MYO10: variants seen among roughly 807,000 people sequenced by gnomAD.
MYO10 encodes the protein unconventional myosin-X.
Under a neutral mutation model 257.3 loss-of-function variants are expected in MYO10, and 133 were observed. That is an observed-to-expected ratio of 0.52 (90% CI 0.45 to 0.60). The LOEUF is 0.60. Ranked by LOEUF, MYO10 falls within the 20% of genes least tolerant of loss-of-function variation. The pLI, the probability that MYO10 is intolerant of heterozygous loss-of-function variation, is 0.00. For missense variants in MYO10, 2,399 were observed against 2,635.7 expected (o/e 0.91, Z 1.97); for synonymous variants, 1,104 against 1,028.6 (o/e 1.07, Z -1.40).
intron 2 of MYO10, among the ~76,000 whole-genome samples, chr5:16,836,437 T>TTTTC (rs1269086875): frequency 6.6e-6 from 1 of 152,202 alleles, no homozygotes; most frequent in Non-Finnish European, 1.5e-5. Flanking sequence ...CTCCACCTCA[T>TTTTC]TTTCTACATT....
intron 10 of MYO10, among the ~76,000 whole-genome samples, chr5:16,766,770 CTTTTTTTTTT>C (rs575636664): frequency 7.8e-6 from 1 of 127,400 alleles, no homozygotes; most frequent in Non-Finnish European, 1.6e-5. Flanking sequence ...CACCTACTTT[CTTTTTTTTTT>C]TTTTTTTGAG....
Position 16,701,932 on chromosome 5 carries a change from T to G in MYO10, c.2557-94A>C, listed in dbSNP as rs1016412133. 1.4e-5 allele frequency: 19 copies of G among 1,382,990 alleles called. No homozygotes were observed. In the African/African-American group the frequency reaches 2.5e-4, roughly 18 times the overall value. The allele number at this position is 1,382,990 out of a possible 1,614,324, so 85.7% of individuals were successfully genotyped here. On this transcript the variant is annotated intron_variant, in intron 24 of 40. Coordinates refer to ENST00000513610, the MANE Select transcript of MYO10 (RefSeq NM_012334.3). The surrounding 1 kb of genome is among the most constrained non-coding windows in gnomAD (Gnocchi z 8.1). Reference sequence around the variant, plus strand: ...CAACCAGGATGAAATATGGTCATTATGAGTTGGACTGTGTCCCCATAAAGT... The same window carrying G: ...CAACCAGGATGAAATATGGTCATTAGGAGTTGGACTGTGTCCCCATAAAGT...
At chr5:16,905,889 G>A (rs1049279728) in intron 1 of MYO10, among the ~76,000 whole-genome samples, 1 of 152,144 alleles carries the variant, frequency 6.6e-6, no homozygotes, top group Non-Finnish European at 1.5e-5. Flanking sequence ...TGACATCTGA[G>A]TAGGGACAAC....
rs33919452 is a variant in MYO10 at position 16,679,524 on chromosome 5, G to GTTTTTTTTTTTTTTTTTTTTT, written c.4542+422_4542+423insAAAAAAAAAAAAAAAAAAAAA. 1.2e-3 allele frequency among the ~76,000 whole-genome samples: 143 copies of GTTTTTTTTTTTTTTTTTTTTT among 122,640 alleles called. 3 individuals are homozygous for GTTTTTTTTTTTTTTTTTTTTT. Among genetic ancestry groups the GTTTTTTTTTTTTTTTTTTTTT allele is most frequent in the African/African-American group, 3.6e-3 (111 of 31,076 alleles). The allele number at this position is 122,640 out of a possible 152,430, so 80.5% of individuals were successfully genotyped here. ...TTAACCAAGCGCTAGTTTTTTGGGT[G>GTTTTTTTTTTTTTTTTTTTTT]TTTTTTTTTTTTTTTTTTGAGACGA... On this transcript the variant is annotated intron_variant, in intron 33 of 40. Coordinates refer to ENST00000513610, the MANE Select transcript of MYO10 (RefSeq NM_012334.3).
intron 1 of MYO10, among the ~76,000 whole-genome samples, chr5:16,885,453 C>T (rs1744870105): frequency 6.6e-6 from 1 of 152,106 alleles, no homozygotes; most frequent in African/African-American, 2.4e-5. Context: ...AGGCGGATCA[C>T]CTGAGGTCAG....
chr5:16,755,741 T>TA (rs1255094015), intron 18 of MYO10, among the ~76,000 whole-genome samples: 2 of 149,168 alleles, frequency 1.3e-5, no homozygotes, highest in Non-Finnish European at 3.0e-5. Context: ...TTTTTTTTTT[T>TA]AGAGTTTTTA....
At chr5:16,878,824 C>T (rs1041657205) in intron 1 of MYO10, among the ~76,000 whole-genome samples, 2 of 151,958 alleles carry the variant, frequency 1.3e-5, no homozygotes, top group African/African-American at 4.8e-5. Context: ...ACTTTGGGGA[C>T]TCAGGGAGAA....
intron 2 of MYO10, among the ~76,000 whole-genome samples, chr5:16,847,116 T>C (rs1182110407): frequency 2.7e-5 from 4 of 147,266 alleles, no homozygotes; most frequent in Non-Finnish European, 4.5e-5. Flanking sequence ...AGACTCTGTC[T>C]CCAAAGGAAA....
chr5:16,774,262 A>G (rs1741146941), intron 9 of MYO10, among the ~76,000 whole-genome samples: 1 of 152,148 alleles, frequency 6.6e-6, no homozygotes, highest in African/African-American at 2.4e-5. Flanking sequence ...GTCACCCTGG[A>G]AACAAAGGGA....
chr5:16,747,893 T>G (rs1740247227), intron 19 of MYO10, among the ~76,000 whole-genome samples: 1 of 113,608 alleles, frequency 8.8e-6, no homozygotes, highest in Admixed American at 1.5e-4. Flanking sequence ...CACTCTAGAC[T>G]GGGCGACAGA....
intron 3 of MYO10, 114 bp from the exon 4 acceptor site, chr5:16,794,947 G>T: frequency 1.3e-6 from 1 of 792,300 alleles, no homozygotes; most frequent in South Asian, 2.8e-5. Context: ...TGTCTCCCGG[G>T]TGCACACTGT....
At chr5:16,688,748 A>T (rs939867928) in intron 28 of MYO10, among the ~76,000 whole-genome samples, 19 of 131,424 alleles carry the variant, frequency 1.4e-4, no homozygotes, top group Non-Finnish European at 2.7e-4. Context: ...CTCAAAAAAA[A>T]AGAAAAAAAA....
chr5:16,902,708 G>A (rs1449415326), intron 1 of MYO10: 1 of 820,852 alleles, frequency 1.2e-6, no homozygotes, highest in Non-Finnish European at 2.1e-6. Flanking sequence ...TGGGGTTTCA[G>A]TCAAGCTTGT....
chr5:16,891,315 A>C (rs1745042197), intron 1 of MYO10, among the ~76,000 whole-genome samples: 1 of 137,948 alleles, frequency 7.2e-6, no homozygotes, highest in Non-Finnish European at 1.5e-5. Flanking sequence ...GAAAAGGAGA[A>C]GAGAAAAGGA....
intron 1 of MYO10, among the ~76,000 whole-genome samples, chr5:16,927,983 C>T (rs1368871744): frequency 6.6e-6 from 1 of 152,056 alleles, no homozygotes; most frequent in African/African-American, 2.4e-5. Context: ...CCATGGGTAT[C>T]GATAAGCTAA....
intron 1 of MYO10, among the ~76,000 whole-genome samples, chr5:16,884,165 C>T (rs253470): frequency 0.39 from 58,715 of 152,066 alleles, 12,938 homozygotes; most frequent in Admixed American, 0.5. Flanking sequence ...CCGAGGCAGG[C>T]GGATTACCCG....
At chr5:16,794,383 T>TAA (rs58577651) in intron 4 of MYO10, among the ~76,000 whole-genome samples, 4 of 140,604 alleles carry the variant, frequency 2.8e-5, no homozygotes, top group African/African-American at 7.9e-5. Context: ...AATGTTGCTT[T>TAA]AAAAAAAAAA....
chr5:16,762,695 A>C, intron 14 of MYO10, 58 bp from the exon 15 acceptor site: 1 of 1,266,566 alleles, frequency 7.9e-7, no homozygotes, highest in Non-Finnish European at 1.1e-6. Context: ...GTGCATGGGT[A>C]GCTCATGCCT....
chr5:16,798,758 C>T lies in MYO10; in HGVS notation c.280-3925G>A, dbSNP rs73756277. Among the ~76,000 whole-genome samples the T allele has an allele frequency of 7.1e-3, 1,075 of 151,706 alleles. 10 individuals are homozygous for T. Among genetic ancestry groups the T allele is most frequent in the African/African-American group, 0.025 (1,028 of 41,378 alleles). ...CTGTGAAATACATTCTTATTTTTTTCCCTACTGTGACAGGACTGTCACTCT... is the reference window on the plus strand; with the variant it reads ...CTGTGAAATACATTCTTATTTTTTTTCCTACTGTGACAGGACTGTCACTCT... On this transcript the variant is annotated intron_variant, in intron 3 of 40. Transcript: ENST00000513610.
Sources: allele counts gnomAD v4.1 joint callset (sites outside exome capture counted in the v4.1 genomes callset), GRCh38; gene constraint gnomAD v4.1.1; non-coding constraint Gnocchi (gnomAD v3.1); transcripts MANE v1.5; gene names NCBI Gene and HGNC (gene_info 2026-07-23, HGNC 2026-07-21).